The following TXNRD2 variants were observed in gnomAD, a reference collection of about 807,000 sequenced individuals.
TXNRD2 encodes thioredoxin reductase 2, mitochondrial.
In TXNRD2, 67 loss-of-function variants were observed where a neutral mutation model predicts 70.8. That is an observed-to-expected ratio of 0.95 (90% CI 0.78 to 1.16). The LOEUF is 1.16. Ranked by LOEUF, TXNRD2 falls within the 50% of genes most tolerant of loss-of-function variation. TXNRD2 has a pLI of 0.00. For missense variants in TXNRD2, 644 were observed against 719.9 expected, an observed-to-expected ratio of 0.89 and a Z score of 1.21; for synonymous variants, 301 against 295.8, an observed-to-expected ratio of 1.02 and a Z score of -0.18.
intron 10 of TXNRD2, among the ~76,000 whole-genome samples, chr22:19,896,052 C>T (rs542728869): frequency 6.6e-6 from 1 of 151,968 alleles, no homozygotes; most frequent in East Asian, 1.9e-4. Flanking sequence ...GATCCCAGCA[C>T]TTTGAGAAGC....
At chr22:19,893,860 C>A (rs925402123) in intron 11 of TXNRD2, 5 of 152,196 alleles carry the variant, frequency 3.3e-5, no homozygotes, top group African/African-American at 1.2e-4. Flanking sequence ...CCTGCCAGGC[C>A]CAAAGGGACC....
At chr22:19,894,749 G>A (rs1441835910) in intron 11 of TXNRD2, 2 of 275,354 alleles carry the variant, frequency 7.3e-6, no homozygotes, top group Admixed American at 1.0e-4. Flanking sequence ...CAGTACTTTG[G>A]GAGGCCAAGG....
intron 8 of TXNRD2, among the ~76,000 whole-genome samples, chr22:19,899,718 G>A (rs943723832): frequency 2.6e-5 from 4 of 152,178 alleles, no homozygotes; most frequent in East Asian, 1.9e-4. Context: ...ATGTACTCAC[G>A]CACACTTGTA....
At chr22:19,934,150 C>A (rs1026061690) in intron 1 of TXNRD2, among the ~76,000 whole-genome samples, 1 of 152,184 alleles carries the variant, frequency 6.6e-6, no homozygotes, top group Non-Finnish European at 1.5e-5. Context: ...TCTTTCCTGG[C>A]AGCAGGTGTT....
intron 7 of TXNRD2, among the ~76,000 whole-genome samples, chr22:19,914,144 A>G (rs1295515506): frequency 6.6e-6 from 1 of 152,250 alleles, no homozygotes; most frequent in African/African-American, 2.4e-5. Flanking sequence ...ACTGGAAGGA[A>G]TGTAAAACAC....
At chr22:19,893,757 C>T (rs1339929553) in intron 11 of TXNRD2, 1 of 152,340 alleles carries the variant, frequency 6.6e-6, no homozygotes, top group East Asian at 1.9e-4. Flanking sequence ...ACGCCCAGGC[C>T]TCTGCCCAGC....
At chr22:19,882,346 G>A (rs1333163570) in intron 12 of TXNRD2, among the ~76,000 whole-genome samples, 7 of 152,084 alleles carry the variant, frequency 4.6e-5, no homozygotes, top group African/African-American at 2.4e-5. Context: ...TTACAGATAC[G>A]TGCCACCACG....
chr22:19,911,322 A>G (rs1363165306), intron 8 of TXNRD2, 55 bp downstream of exon 8: 1 of 1,372,782 alleles, frequency 7.3e-7, no homozygotes, highest in African/African-American at 1.4e-5. Context: ...CTAAGGGTCC[A>G]GTGCTCACTC....
At chr22:19,941,499 G>C in intron 1 of TXNRD2, 6 of 927,718 alleles carry the variant, frequency 6.5e-6, no homozygotes, top group Non-Finnish European at 8.7e-6. Context: ...CCCAGCCCCA[G>C]TTTCCCCACC....
At chr22:19,884,911 T>C (rs1297909006) in intron 11 of TXNRD2, among the ~76,000 whole-genome samples, 3 of 152,266 alleles carry the variant, frequency 2.0e-5, no homozygotes, top group African/African-American at 4.8e-5. Context: ...CCTAGAGACC[T>C]CAGGGCCAAG....
At chr22:19,895,317 A>G in intron 11 of TXNRD2, 90 bp downstream of exon 11, 1 of 1,600,666 alleles carries the variant, frequency 6.2e-7, no homozygotes. Flanking sequence ...AGGATGGGGG[A>G]GCCCTGGGAG....
intron 1 of TXNRD2, among the ~76,000 whole-genome samples, chr22:19,936,667 G>A (rs535459276): frequency 6.6e-6 from 1 of 152,186 alleles, no homozygotes; most frequent in East Asian, 1.9e-4. Flanking sequence ...GGACACCCCT[G>A]CCACTCTGGT....
intron 11 of TXNRD2, among the ~76,000 whole-genome samples, chr22:19,892,585 G>A (rs1034251579): frequency 3.3e-5 from 5 of 152,270 alleles, no homozygotes; most frequent in African/African-American, 1.2e-4. Context: ...CCAGGCTGAC[G>A]CCCCGGCTTT....
chr22:19,920,596 A>AG (rs1270486778), intron 2 of TXNRD2, among the ~76,000 whole-genome samples: 1 of 122,188 alleles, frequency 8.2e-6, no homozygotes, highest in Admixed American at 7.7e-5. Flanking sequence ...AAAGAAAGAA[A>AG]GAAAAAAAAA....
At chr22:19,892,848 A>G (rs1046165339) in intron 11 of TXNRD2, among the ~76,000 whole-genome samples, 15 of 152,228 alleles carry the variant, frequency 9.9e-5, no homozygotes, top group Admixed American at 8.5e-4. Flanking sequence ...GATGAGAACC[A>G]TCAGTACACT....
In TXNRD2 at chr22:19,923,489, T is replaced by C. The variant is rs1486108401; in HGVS notation, c.173-3890A>G. On this transcript the variant is annotated intron_variant, in intron 2 of 17. Transcript: ENST00000400521. ...TCGGTCACATCAAACATCTGACTTA[T>C]AGAAGTTAACAAGCAGACTGGGCGT... Among the ~76,000 whole-genome samples the C allele has an allele frequency of 3.3e-5, 5 of 152,134 alleles. No homozygotes were observed. The South Asian group carries it at 6.2e-4, about 19-fold the overall frequency.
chr22:19,878,156 A>G lies in TXNRD2; in HGVS notation c.1379T>C (p.Val460Ala), dbSNP rs778297792. The change falls in exon 16 of 18, where the codon GTG becomes GCG. Residue 460 changes from valine (V) to alanine (A), a missense_variant. Physicochemically the swap from Val to Ala is moderately conservative, Grantham distance 64. Transcript: ENST00000400521. ...GGGGCCAAGGAAATGCAGGCCCAGC[A>G]CCAGCTGTGGGGGCTCCCTCAGGCA... ...MVCLREPPQL[V>A]LGLHFLGPNA... 6.2e-7 allele frequency: 1 copy of G among 1,613,338 alleles called. No individual in the cohort carries two copies. Among genetic ancestry groups the G allele is most frequent in the Non-Finnish European group, 8.5e-7 (1 of 1,180,018 alleles).
chr22:19,915,796 G>C lies in TXNRD2; in HGVS notation c.497C>G (p.Thr166Arg). Residue 166 changes from threonine to arginine, a missense_variant, in exon 6 of 18, where the codon ACG (threonine) becomes AGG (arginine). Physicochemically the swap from Thr to Arg is moderately conservative, Grantham distance 71 (BLOSUM62 -1). Around this residue, in one of 3 missense-constraint regions of TXNRD2, gnomAD observed 566 missense variants for 645.0 expected, o/e 0.88. Transcript: ENST00000400521. ...NIKASFVDEHTVCGVAKGGKE... is the reference protein window; with the variant it reads ...NIKASFVDEHRVCGVAKGGKE... ...CCCACCTTTGGCAACGCCGCAAACC[G>C]TGTGCTCGTCAACAAAGCTGGCTTT... The C allele has an allele frequency of 6.2e-7, 1 of 1,614,190 alleles. No homozygotes were observed. The highest frequency in any genetic ancestry group is 1.1e-5 in the South Asian group (1 of 91,086).
In TXNRD2 at chr22:19,931,102, A is replaced by G; in HGVS notation, c.104-4T>C. ...AGATCATAGTCCCGCTGACCTGCTG[A>G]GAGAAGGGATGAGAGGTGGGACGGA... On this transcript the variant is annotated splice_region_variant and splice_polypyrimidine_tract_variant and intron_variant, in intron 1 of 17. Transcript: ENST00000400521. 2 of 1,613,206 alleles carry G rather than the reference A, an allele frequency of 1.2e-6. No homozygotes were observed. Among genetic ancestry groups the G allele is most frequent in the South Asian group, 1.1e-5 (1 of 91,068 alleles).
Sources: allele counts gnomAD v4.1 joint callset (sites outside exome capture counted in the v4.1 genomes callset), GRCh38; gene constraint gnomAD v4.1.1; regional missense constraint gnomAD v4.1.1; transcripts MANE v1.5; gene names NCBI Gene and HGNC (gene_info 2026-07-23, HGNC 2026-07-21).